The following IL2RA variants were observed in gnomAD, a reference collection of about 807,000 sequenced individuals.
IL2RA encodes the protein interleukin-2 receptor subunit alpha.
IL2RA carries 24 observed loss-of-function variants against 37.8 expected under a neutral mutation model. The observed-to-expected ratio is 0.63, with a 90% CI of 0.46 to 0.89. IL2RA has a LOEUF of 0.89. Among genes scored for constraint, IL2RA ranks in the 40% least tolerant of loss-of-function variants. The pLI is 0.00. For synonymous variants in IL2RA, 125 were observed against 114.6 expected (o/e 1.09, Z -0.58); for missense variants, 319 against 348.6 (o/e 0.92, Z 0.68).
chr10:6,051,071 G>A (rs79641243), intron 1 of IL2RA, among the ~76,000 whole-genome samples: 1 of 146,512 alleles, frequency 6.8e-6, no homozygotes, highest in East Asian at 2.0e-4. Context: ...TTTTTTTTTT[G>A]GTAATTGTTT....
chr10:6,054,194 A>G lies in IL2RA; in HGVS notation c.64+7894T>C, dbSNP rs928437001. 6.6e-6 allele frequency among the ~76,000 whole-genome samples: 1 copy of G among 151,868 alleles called. No individual in the cohort carries two copies. Among genetic ancestry groups the G allele is most frequent in the Non-Finnish European group, 1.5e-5 (1 of 67,956 alleles). ...GCTGCAGGCGGAGCTGCTGGTCAAA[A>G]ACCCCCCGGGGAACTGGTTGGGTGT... On this transcript the variant is annotated intron_variant, in intron 1 of 7. Transcript: ENST00000379959. This position sits in a 1 kb window ranked among gnomAD's most constrained non-coding sequence, Gnocchi z 4.5.
intron 1 of IL2RA, among the ~76,000 whole-genome samples, chr10:6,051,825 A>T (rs866917679): frequency 1.8e-4 from 19 of 107,194 alleles, no homozygotes; most frequent in African/African-American, 6.5e-4. Flanking sequence ...AGCTATATAT[A>T]TATATATATA....
chr10:6,053,592 G>C (rs1839996088), intron 1 of IL2RA, among the ~76,000 whole-genome samples: 1 of 152,194 alleles, frequency 6.6e-6, no homozygotes, highest in South Asian at 2.1e-4. Flanking sequence ...GTTGGAGACT[G>C]TCCTATTTTC....
intron 1 of IL2RA, among the ~76,000 whole-genome samples, chr10:6,032,563 T>G (rs749457671): frequency 9.5e-4 from 144 of 151,898 alleles, no homozygotes; most frequent in African/African-American, 2.0e-3. Context: ...TGTGGTGGTG[T>G]GCGCCTGTAG....
chr10:6,043,811 A>T (rs1001069153), intron 1 of IL2RA, among the ~76,000 whole-genome samples: 2 of 152,242 alleles, frequency 1.3e-5, no homozygotes, highest in African/African-American at 4.8e-5. Context: ...CTGAATCCTG[A>T]TGATGGGCAC....
rs1310280871 is a variant in IL2RA, at chr10:6,035,779, A to G, written c.65-9754T>C. The stretch of plus-strand genomic sequence containing the variant: ...GTCAAACCGAGTTCTTCTAGTGTTG[A>G]GCGTGTTTCACATCTTCCGTTGGAG... On this transcript the variant is annotated intron_variant, in intron 1 of 7. Transcript: ENST00000379959. The surrounding 1 kb of genome is among the most constrained non-coding windows in gnomAD (Gnocchi z 5.4). Among the ~76,000 whole-genome samples the G allele has an allele frequency of 2.0e-5, 3 of 152,130 alleles. No individual in the cohort carries two copies. The East Asian group carries it at 5.8e-4, about 29-fold the overall frequency.
At chr10:6,019,152 T>A (rs1258857104) in intron 6 of IL2RA, among the ~76,000 whole-genome samples, 1 of 144,768 alleles carries the variant, frequency 6.9e-6, no homozygotes, top group Non-Finnish European at 1.5e-5. Context: ...ACTAACCAAC[T>A]AACCCACCAA....
rs1564541494 is a variant in IL2RA, at chr10:6,019,574, G to A, written c.656-75C>T. On this transcript the variant is annotated intron_variant, in intron 5 of 7. Coordinates refer to ENST00000379959, the MANE Select transcript of IL2RA (RefSeq NM_000417.3). Reference sequence around the variant, plus strand: ...CAGCACGAGGCTAAAGGAAGTCAGGGTGTCTCTGTGAATGAGAAGCTCAGA... The same window carrying A: ...CAGCACGAGGCTAAAGGAAGTCAGGATGTCTCTGTGAATGAGAAGCTCAGA... 15 of 1,120,618 alleles carry A rather than the reference G, an allele frequency of 1.3e-5. No individual in the cohort carries two copies. The South Asian group carries it at 1.8e-4, about 14-fold the overall frequency. The allele number at this position is 1,120,618 out of a possible 1,614,324, so 69.4% of individuals were successfully genotyped here.
chr10:6,061,719 G>T (rs576522536), intron 1 of IL2RA, among the ~76,000 whole-genome samples: 3 of 152,154 alleles, frequency 2.0e-5, no homozygotes, highest in Admixed American at 1.3e-4. Flanking sequence ...TTCTTAGTTG[G>T]GGGGTGGGAG....
chr10:6,052,106 CTG>C (rs980530304), intron 1 of IL2RA, among the ~76,000 whole-genome samples: 1 of 151,886 alleles, frequency 6.6e-6, no homozygotes, highest in Non-Finnish European at 1.5e-5. Context: ...CCCATTTTCT[CTG>C]TAAAGGAATT....
At position 6,021,359 on chromosome 10, in the gene IL2RA, G is replaced by C. The variant is rs1161963629; in HGVS notation, c.583+119C>G. ...AGAATGAGAAAAAATGGAAGCCCAG[G>C]GAGATCAAGGGTCTTGTCCAAGGAC... On this transcript the variant is annotated intron_variant, in intron 4 of 7. Coordinates refer to ENST00000379959, the MANE Select transcript of IL2RA (RefSeq NM_000417.3). This position sits in a 1 kb window ranked among gnomAD's most constrained non-coding sequence, Gnocchi z 4.9. 1 of 870,122 alleles carries C rather than the reference G, an allele frequency of 1.1e-6. No individual in the cohort carries two copies. Among genetic ancestry groups the C allele is most frequent in the Non-Finnish European group, 1.9e-6 (1 of 517,196 alleles). 53.9% of individuals were successfully genotyped at this position (870,122 alleles called of 1,614,324 possible).
At position 6,048,833 on chromosome 10, in the gene IL2RA, A is replaced by G. The variant is rs1839904987; in HGVS notation, c.64+13255T>C. The stretch of plus-strand genomic sequence containing the variant: ...TCTGTTCCTTCCAGGACACAGTTTA[A>G]GCCCAGTGACATGGGGAGACTCCAA... On this transcript the variant is annotated intron_variant, in intron 1 of 7. Coordinates refer to ENST00000379959, the MANE Select transcript of IL2RA (RefSeq NM_000417.3). This position sits in a 1 kb window ranked among gnomAD's most constrained non-coding sequence, Gnocchi z 5.3. 6.6e-6 allele frequency among the ~76,000 whole-genome samples: 1 copy of G among 152,202 alleles called. No individual in the cohort carries two copies. The highest frequency in any genetic ancestry group is 6.5e-5 in the Admixed American group (1 of 15,280).
At chr10:6,041,266 G>A (rs768263055) in intron 1 of IL2RA, among the ~76,000 whole-genome samples, 2 of 151,874 alleles carry the variant, frequency 1.3e-5, no homozygotes, top group African/African-American at 2.4e-5. Context: ...AGGCGCCCAC[G>A]ATCACGCCCA....
Position 6,025,673 on chromosome 10 carries a change from T to C in IL2RA, c.256+161A>G, listed in dbSNP as rs994189373. ...AGTCTGTCTCCAAAAAAAAAAAAAA[T>C]TGTGTTTAGTGAATGACTTTTCAGG... On this transcript the variant is annotated intron_variant, in intron 2 of 7. Transcript: ENST00000379959. The surrounding 1 kb of genome is among the most constrained non-coding windows in gnomAD (Gnocchi z 4.4). 2.7e-5 allele frequency among the ~76,000 whole-genome samples: 4 copies of C among 150,146 alleles called. No individual in the cohort carries two copies. The highest frequency in any genetic ancestry group is 5.9e-5 in the Non-Finnish European group (4 of 67,448).
chr10:6,028,878 A>G lies in IL2RA; in HGVS notation c.65-2853T>C, dbSNP rs1446999677. On this transcript the variant is annotated intron_variant, in intron 1 of 7. Coordinates refer to ENST00000379959, the MANE Select transcript of IL2RA (RefSeq NM_000417.3). This position sits in a 1 kb window ranked among gnomAD's most constrained non-coding sequence, Gnocchi z 4.1. The stretch of plus-strand genomic sequence containing the variant: ...GCCGAGTGTGGCAGCGCATGTCTGT[A>G]GTCCCAGGTACTTGGGAGGCTGAGG... Among the ~76,000 whole-genome samples, 1 of 151,612 alleles carries G rather than the reference A, an allele frequency of 6.6e-6. No individual in the cohort carries two copies. Among genetic ancestry groups the G allele is most frequent in the Non-Finnish European group, 1.5e-5 (1 of 67,914 alleles).
intron 1 of IL2RA, among the ~76,000 whole-genome samples, chr10:6,027,642 A>G (rs1589296713): frequency 6.6e-6 from 1 of 152,236 alleles, no homozygotes; most frequent in Non-Finnish European, 1.5e-5. Context: ...AGCAAATAAT[A>G]TACTAAGGTA....
chr10:6,027,553 T>C lies in IL2RA; in HGVS notation c.65-1528A>G, dbSNP rs143699115. On this transcript the variant is annotated intron_variant, in intron 1 of 7. Transcript: ENST00000379959. The stretch of plus-strand genomic sequence containing the variant: ...CTTCTAGCTCCAGCAGCTTACAAGC[T>C]ACATAGTTTTATTATTTTACTTCTC... Among the ~76,000 whole-genome samples, 360 of 152,354 alleles carry C rather than the reference T, an allele frequency of 2.4e-3. 3 individuals carry two copies. Among genetic ancestry groups the C allele is most frequent in the East Asian group, 0.017 (89 of 5,194 alleles).
chr10:6,013,832 A>ATTTT (rs55729291), intron 7 of IL2RA, among the ~76,000 whole-genome samples: 2 of 136,672 alleles, frequency 1.5e-5, no homozygotes, highest in Non-Finnish European at 1.5e-5. Context: ...AAATATTTTA[A>ATTTT]TTTTTTTTTT....
rs192607762 is a variant in IL2RA, at chr10:6,054,287, C to T, written c.64+7801G>A. On this transcript the variant is annotated intron_variant, in intron 1 of 7. Transcript: ENST00000379959. This position sits in a 1 kb window ranked among gnomAD's most constrained non-coding sequence, Gnocchi z 4.5. The stretch of plus-strand genomic sequence containing the variant: ...CCAGCCCTGTGGTGTGCACGTGGCT[C>T]GGGCTGGGTCAGGAAAAAAATGTGG... Among the ~76,000 whole-genome samples the T allele has an allele frequency of 9.9e-5, 15 of 152,216 alleles. No homozygotes were observed. In the East Asian group the frequency reaches 2.1e-3, roughly 22 times the overall value.
Sources: allele counts gnomAD v4.1 joint callset (sites outside exome capture counted in the v4.1 genomes callset), GRCh38; gene constraint gnomAD v4.1.1; non-coding constraint Gnocchi (gnomAD v3.1); transcripts MANE v1.5; gene names NCBI Gene and HGNC (gene_info 2026-07-23, HGNC 2026-07-21).